KMT2C: variants seen among roughly 807,000 people sequenced by gnomAD.
KMT2C encodes histone-lysine N-methyltransferase 2C.
A neutral mutation model predicts 507.9 loss-of-function variants in KMT2C; 88 were observed. That is an observed-to-expected ratio of 0.17 (90% CI 0.15 to 0.21). KMT2C has a LOEUF of 0.21. Among genes scored for constraint, KMT2C ranks in the 10% least tolerant of loss-of-function variants. KMT2C has a pLI of 1.00. For synonymous variants in KMT2C, 2,049 were observed against 2,080.8 expected, an observed-to-expected ratio of 0.98 and a Z score of 0.42; for missense variants, 4,954 against 5,957.8, an observed-to-expected ratio of 0.83 and a Z score of 5.55.
chr7:152,281,151 G>C (rs77312474), intron 6 of KMT2C, among the ~76,000 whole-genome samples: 1 of 150,292 alleles, frequency 6.7e-6, no homozygotes. Flanking sequence ...TGACTACATA[G>C]AAATGTAAAA....
rs187949691 is a variant in KMT2C at position 152,248,417 on chromosome 7, G to A, written c.2017C>T (p.Pro673Ser). The A allele has an allele frequency of 1.9e-6, 3 of 1,614,022 alleles. No homozygotes were observed. The highest frequency in any genetic ancestry group is 3.3e-5 in the Admixed American group (2 of 59,984). The change falls in exon 14 of 59, where the codon CCT (proline) becomes TCT (serine). Residue 673 changes from proline (P) to serine (S), a missense_variant. Coordinates refer to ENST00000262189, the MANE Select transcript of KMT2C (RefSeq NM_170606.3). Reference sequence around the variant, plus strand: ...TCTTCTCTGGATACCACTGTTTCAGGTTCCTCTAACAACTGCAGTTGTTCT... The same window carrying A: ...TCTTCTCTGGATACCACTGTTTCAGATTCCTCTAACAACTGCAGTTGTTCT... ...QQEQLQLLEEPETVVSREESR... is the reference protein window; with the variant it reads ...QQEQLQLLEESETVVSREESR...
At chr7:152,381,899 A>G (rs2097377463) in intron 1 of KMT2C, among the ~76,000 whole-genome samples, 1 of 152,158 alleles carries the variant, frequency 6.6e-6, no homozygotes, top group African/African-American at 2.4e-5. Flanking sequence ...TCTATTACCA[A>G]TGTATCATCT....
At chr7:152,377,537 A>C (rs1365615207) in intron 1 of KMT2C, among the ~76,000 whole-genome samples, 2 of 152,282 alleles carry the variant, frequency 1.3e-5, no homozygotes, top group South Asian at 4.1e-4. Flanking sequence ...GAGTTCAAGA[A>C]GACCCTGGCC....
chr7:152,353,162 T>A (rs983225416), intron 2 of KMT2C, among the ~76,000 whole-genome samples: 1 of 152,174 alleles, frequency 6.6e-6, no homozygotes, highest in Non-Finnish European at 1.5e-5. Flanking sequence ...TGGTGGCTCA[T>A]GCCCGTAATC....
At chr7:152,309,733 C>T (rs2096653923) in intron 6 of KMT2C, among the ~76,000 whole-genome samples, 2 of 151,794 alleles carry the variant, frequency 1.3e-5, no homozygotes, top group Admixed American at 1.3e-4. Context: ...GTTGGCCAGG[C>T]TAGTCTCAAA....
intron 1 of KMT2C, among the ~76,000 whole-genome samples, chr7:152,397,016 C>T (rs2097541900): frequency 6.6e-6 from 1 of 152,186 alleles, no homozygotes; most frequent in Non-Finnish European, 1.5e-5. Context: ...TTTAACTAAT[C>T]AGAGGGCCTT....
intron 6 of KMT2C, among the ~76,000 whole-genome samples, chr7:152,287,031 C>A (rs960183976): frequency 1.9e-4 from 29 of 152,216 alleles, no homozygotes; most frequent in African/African-American, 7.0e-4. Flanking sequence ...GTCAGCCATT[C>A]CCCACTCCTG....
At position 152,178,015 on chromosome 7, in the gene KMT2C, TAAAAAAA is replaced by T. The variant is rs746018833; in HGVS notation, c.7443-12_7443-6del. On this transcript the variant is annotated splice_polypyrimidine_tract_variant and splice_region_variant and intron_variant, in intron 37 of 58. Transcript: ENST00000262189. ...CTACCTCCTGGAAATCCAAATCTTT[TAAAAAAA>T]AAAAAAAAAAAAAAAAAAAAGCAAA... is the stretch of plus-strand genomic sequence containing the variant. The T allele has an allele frequency of 3.6e-3, 2,948 of 810,948 alleles. 70 individuals are homozygous for T. The African/African-American group carries it at 0.06, about 16-fold the overall frequency. The allele number at this position is 810,948 out of a possible 1,614,324, so 50.2% of individuals were successfully genotyped here. A position where few individuals can be genotyped will look rare whatever the true frequency, so the allele number is the denominator to read the frequency against.
At chr7:152,195,661 G>T in intron 28 of KMT2C, 2 of 512,300 alleles carry the variant, frequency 3.9e-6, no homozygotes, top group Non-Finnish European at 5.0e-6. Flanking sequence ...GATACAGCAA[G>T]ACTTTAAGGC....
At chr7:152,412,061 C>A (rs915420452) in intron 1 of KMT2C, among the ~76,000 whole-genome samples, 2 of 152,286 alleles carry the variant, frequency 1.3e-5, no homozygotes, top group African/African-American at 2.4e-5. Flanking sequence ...AGCCTATTTT[C>A]TTCCATTTAA....
intron 7 of KMT2C, among the ~76,000 whole-genome samples, chr7:152,270,523 T>C (rs2095944217): frequency 1.3e-5 from 2 of 152,180 alleles, no homozygotes; most frequent in Non-Finnish European, 2.9e-5. Context: ...GCCTTGATGA[T>C]GTCTCTACTA....
intron 1 of KMT2C, chr7:152,367,595 G>A: frequency 7.7e-7 from 1 of 1,292,970 alleles, no homozygotes; most frequent in Admixed American, 1.7e-5. Flanking sequence ...GAGTATCCAG[G>A]TCCTTCTCAT....
chr7:152,264,859 A>ATATAC (rs2095837192), intron 8 of KMT2C, among the ~76,000 whole-genome samples, 179 bp downstream of exon 8: 1 of 151,290 alleles, frequency 6.6e-6, no homozygotes, highest in South Asian at 2.1e-4. Flanking sequence ...AAATTATATT[A>ATATAC]TGGATATATA....
rs769034296 is a variant in KMT2C, at chr7:152,315,210, A to C, written c.518T>G (p.Ile173Ser). The change falls in exon 4 of 59, where the codon ATT becomes AGT. Residue 173 changes from isoleucine (I) to serine (S), a missense_variant. Ile to Ser is a moderately radical substitution (Grantham distance 142). Coordinates refer to ENST00000262189, the MANE Select transcript of KMT2C (RefSeq NM_170606.3). ...ATAGGTTCCATTGCTGTTGTCATCA[A>C]TGTCCTTCTTGTTAGAAGGTTGGTT... ...WRNQPSNKKD[I>S]DDNSNGTYEK... 1 of 1,613,986 alleles carries C rather than the reference A, an allele frequency of 6.2e-7. No individual in the cohort carries two copies. The highest frequency in any genetic ancestry group is 8.5e-7 in the Non-Finnish European group (1 of 1,179,926).
intron 1 of KMT2C, among the ~76,000 whole-genome samples, chr7:152,386,254 C>A (rs2097425247): frequency 6.6e-6 from 1 of 151,732 alleles, no homozygotes; most frequent in African/African-American, 2.4e-5. Context: ...CTTCAGAGGA[C>A]TTTTGTAAGA....
chr7:152,290,295 T>TATATATATATA (rs1491166001), intron 6 of KMT2C, among the ~76,000 whole-genome samples: 9 of 16,974 alleles, frequency 5.3e-4, no homozygotes, highest in East Asian at 2.3e-3. Flanking sequence ...TATATATATA[T>TATATATATATA]TTTTTTTTTT....
intron 6 of KMT2C, among the ~76,000 whole-genome samples, chr7:152,307,206 G>GAAGA (rs1455820223): frequency 1.8e-4 from 20 of 113,410 alleles, no homozygotes; most frequent in Non-Finnish European, 3.2e-4. Context: ...AGGAAGGAAG[G>GAAGA]AAGGAAGGAA....
At chr7:152,235,207 GTATATA>G (rs71533554) in intron 16 of KMT2C, among the ~76,000 whole-genome samples, 3 of 142,504 alleles carry the variant, frequency 2.1e-5, no homozygotes, top group East Asian at 4.5e-4. Context: ...TTTCAAGGGT[GTATATA>G]TATATATATA....
chr7:152,422,757 C>A (rs559543775), intron 1 of KMT2C, among the ~76,000 whole-genome samples: 7 of 152,320 alleles, frequency 4.6e-5, no homozygotes, highest in East Asian at 3.9e-4. Context: ...GGCGCAGTGG[C>A]TCACGCCTGT....
Sources: gnomAD v4.1 joint callset for allele counts (sites outside exome capture counted in the v4.1 genomes callset) on GRCh38, gnomAD v4.1.1 for gene constraint, MANE v1.5 for transcripts, NCBI Gene and HGNC (gene_info 2026-07-23, HGNC 2026-07-21) for gene names.